The following NIBAN3 variants were observed in gnomAD, a reference collection of about 807,000 sequenced individuals.
The protein encoded by NIBAN3 is niban apoptosis regulator 3.
Under a neutral mutation model 76.4 loss-of-function variants are expected in NIBAN3, and 66 were observed. The observed-to-expected ratio is 0.86, with a 90% CI of 0.71 to 1.06. NIBAN3 has a LOEUF of 1.06. NIBAN3 is among the 50% of genes least tolerant of loss of function. The pLI is 0.00. For missense variants in NIBAN3, 808 were observed against 810.7 expected (o/e 1.00, Z 0.04); for synonymous variants, 360 against 355.2 (o/e 1.01, Z -0.15).
At position 17,553,544 on chromosome 19, in the gene NIBAN3, G is replaced by T; in HGVS notation, c.*1646G>T. The T allele has an allele frequency of 6.2e-7, 1 of 1,613,970 alleles. No homozygotes were observed. Among genetic ancestry groups the T allele is most frequent in the Non-Finnish European group, 8.5e-7 (1 of 1,179,972 alleles). On this transcript the variant is annotated 3_prime_UTR_variant, in exon 15 of 15. Coordinates refer to ENST00000599164, the MANE Select transcript of NIBAN3 (RefSeq NM_001321827.2). ...TCCTCCCATTCTGTCTGGAGTTTTC[G>T]GCCTACCCCAAGACAATGAGATATT...
At chr19:17,523,808 A>G (rs569582874), upstream of NIBAN3, among the ~76,000 whole-genome samples, 19 of 152,192 alleles carry the variant, frequency 1.2e-4, no homozygotes, top group Admixed American at 1.2e-3. Flanking sequence ...CGCTGAGCAC[A>G]TTCCCACCCC....
chr19:17,537,202 C>T (rs1299524395), intron 4 of NIBAN3, among the ~76,000 whole-genome samples, 174 bp from the exon 5 acceptor site: 1 of 152,112 alleles, frequency 6.6e-6, no homozygotes, highest in Non-Finnish European at 1.5e-5. Flanking sequence ...GACCCTGCCT[C>T]CCCCAAAACT....
At position 17,530,768 on chromosome 19, in the gene NIBAN3, C is replaced by G. The variant is rs199639094; in HGVS notation, c.69C>G (p.Thr23=). Residue 23 remains threonine, a synonymous_variant, in exon 2 of 15, where the codon ACC becomes ACG. Transcript: ENST00000599164. The part of the protein sequence containing the change: ...QRQHLRGQVD[T]LLRNFLPCYR... ...TTGTCCCTGCAGGTCAGGTGGACACCCTGCTGAGGAACTTCCTGCCTTGCT... is the reference window on the plus strand; with the variant it reads ...TTGTCCCTGCAGGTCAGGTGGACACGCTGCTGAGGAACTTCCTGCCTTGCT... 2.4e-5 allele frequency: 38 copies of G among 1,611,014 alleles called. No individual in the cohort carries two copies. The East Asian group carries it at 6.5e-4, about 28-fold the overall frequency.
downstream of NIBAN3, chr19:17,553,752 T>C: frequency 3.3e-6 from 2 of 610,782 alleles, no homozygotes; most frequent in Non-Finnish European, 5.8e-6. Flanking sequence ...AAAACATTGT[T>C]TGCCCTTGGG....
chr19:17,539,622 C>T lies in NIBAN3; in HGVS notation c.836C>T (p.Ala279Val). ...AWTELLDAVHAAVLAGASAGL... is the reference protein window; with the variant it reads ...AWTELLDAVHVAVLAGASAGL... Reference sequence around the variant, plus strand: ...GGGCAGCTTCTAGACGCCGTTCACGCAGCTGTCCTGGCCGGGGCCTCCGCC... The same window carrying T: ...GGGCAGCTTCTAGACGCCGTTCACGTAGCTGTCCTGGCCGGGGCCTCCGCC... Residue 279 changes from alanine to valine, a missense_variant, in exon 8 of 15, where the codon GCA becomes GTA. By Grantham distance (64) the Ala-to-Val change is moderately conservative. Coordinates refer to ENST00000599164, the MANE Select transcript of NIBAN3 (RefSeq NM_001321827.2). The T allele has an allele frequency of 6.4e-7, 1 of 1,566,946 alleles. No homozygotes were observed. The highest frequency in any genetic ancestry group is 8.7e-7 in the Non-Finnish European group (1 of 1,153,976).
At chr19:17,533,555 T>G in intron 3 of NIBAN3, 32 bp from the exon 4 acceptor site, 1 of 1,472,504 alleles carries the variant, frequency 6.8e-7, no homozygotes, top group Non-Finnish European at 9.5e-7. Flanking sequence ...TTCAGACCTG[T>G]CCCAGGTTGG....
chr19:17,539,801 C>T, intron 8 of NIBAN3, 36 bp downstream of exon 8: 1 of 1,441,940 alleles, frequency 6.9e-7, no homozygotes. Flanking sequence ...CTGGGAGGGG[C>T]GAGGCGATGC....
intron 4 of NIBAN3, among the ~76,000 whole-genome samples, chr19:17,534,746 G>A (rs1418700359): frequency 1.3e-5 from 2 of 148,998 alleles, no homozygotes; most frequent in Admixed American, 6.8e-5. Flanking sequence ...AGCCGAGATC[G>A]CGCCACTGCA....
rs2075905399 is a variant in NIBAN3 at position 17,539,772 on chromosome 19, C to A, written c.979+7C>A. 1 of 1,515,658 alleles carries A rather than the reference C, an allele frequency of 6.6e-7. No individual in the cohort carries two copies. 93.9% of individuals were successfully genotyped at this position (1,515,658 alleles called of 1,614,324 possible). A position where few individuals can be genotyped will look rare whatever the true frequency, so the allele number is the denominator to read the frequency against. ...GTGGCGGGGCGGCTGAGGAGTGAGGCCCTGGGGCGGAGCCTGGGCTGGGAG... is the reference window on the plus strand; with the variant it reads ...GTGGCGGGGCGGCTGAGGAGTGAGGACCTGGGGCGGAGCCTGGGCTGGGAG... On this transcript the variant is annotated splice_region_variant and intron_variant, in intron 8 of 14. Transcript: ENST00000599164.
At chr19:17,546,635 T>C in intron 12 of NIBAN3, 51 bp from the exon 13 acceptor site, 1 of 1,472,618 alleles carries the variant, frequency 6.8e-7, no homozygotes, top group Middle Eastern at 1.9e-4. Flanking sequence ...GTTGTAGGCC[T>C]CTAGAGGGGC....
At position 17,534,790 on chromosome 19, in the gene NIBAN3, CA is replaced by C. The variant is rs751685692; in HGVS notation, c.427+1106del. 7.0e-3 allele frequency among the ~76,000 whole-genome samples: 528 copies of C among 75,726 alleles called. 4 individuals are homozygous for C. Among genetic ancestry groups the C allele is most frequent in the African/African-American group, 0.018 (484 of 27,104 alleles). 49.7% of individuals were successfully genotyped at this position (75,726 alleles called of 152,430 possible). A position where few individuals can be genotyped will look rare whatever the true frequency, so the allele number is the denominator to read the frequency against. On this transcript the variant is annotated intron_variant, in intron 4 of 14. Transcript: ENST00000599164. ...AGGGTGACAGAGCAAGACTCCATCT[CA>C]AAAAAAAAAAAAAAAAGAAAAGAAA...
chr19:17,543,363 G>T lies in NIBAN3; in HGVS notation c.1376G>T (p.Cys459Phe), dbSNP rs749046878. 19 of 1,595,158 alleles carry T rather than the reference G, an allele frequency of 1.2e-5. No homozygotes were observed. The East Asian group carries it at 4.3e-4, about 36-fold the overall frequency. ...VATFLQLADQ[C>F]LTTALNCDQA... ...ACCTTCCTGCAGCTGGCTGACCAGTGTCTGACGACGGCCCTCAACTGTGAC... is the reference window on the plus strand; with the variant it reads ...ACCTTCCTGCAGCTGGCTGACCAGTTTCTGACGACGGCCCTCAACTGTGAC... The change falls in exon 11 of 15, where the codon TGT (cysteine) becomes TTT (phenylalanine). Residue 459 changes from cysteine (C) to phenylalanine (F), a missense_variant. Coordinates refer to ENST00000599164, the MANE Select transcript of NIBAN3 (RefSeq NM_001321827.2).
intron 14 of NIBAN3, 106 bp downstream of exon 14, chr19:17,549,633 C>A: frequency 1.1e-6 from 1 of 930,458 alleles, no homozygotes. Context: ...GGTTCATGGA[C>A]GGAACAGAAT....
chr19:17,553,547 C>A lies in NIBAN3; in HGVS notation c.*1649C>A. 2 of 1,614,100 alleles carry A rather than the reference C, an allele frequency of 1.2e-6. No individual in the cohort carries two copies. The highest frequency in any genetic ancestry group is 8.5e-7 in the Non-Finnish European group (1 of 1,179,966). ...TCCCATTCTGTCTGGAGTTTTCGGC[C>A]TACCCCAAGACAATGAGATATTCCT... On this transcript the variant is annotated 3_prime_UTR_variant, in exon 15 of 15. Coordinates refer to ENST00000599164, the MANE Select transcript of NIBAN3 (RefSeq NM_001321827.2).
Position 17,530,766 on chromosome 19 carries a change from A to C in NIBAN3, c.67A>C (p.Thr23Pro). The part of the protein sequence containing the change: ...QRQHLRGQVD[T>P]LLRNFLPCYR... ...CCTTGTCCCTGCAGGTCAGGTGGAC[A>C]CCCTGCTGAGGAACTTCCTGCCTTG... Residue 23 changes from threonine (T) to proline (P), a missense_variant, in exon 2 of 15, where the codon ACC (threonine) becomes CCC (proline). Coordinates refer to ENST00000599164, the MANE Select transcript of NIBAN3 (RefSeq NM_001321827.2). The C allele has an allele frequency of 6.2e-7, 1 of 1,610,984 alleles. No individual in the cohort carries two copies. Among genetic ancestry groups the C allele is most frequent in the Non-Finnish European group, 8.5e-7 (1 of 1,177,960 alleles).
chr19:17,530,357 A>G (rs1323431026), intron 1 of NIBAN3, among the ~76,000 whole-genome samples: 2 of 150,526 alleles, frequency 1.3e-5, no homozygotes, highest in Non-Finnish European at 3.0e-5. Context: ...AAAACAAAAA[A>G]CCCGTCTCTA....
At chr19:17,535,040 C>T (rs2075801197) in intron 4 of NIBAN3, among the ~76,000 whole-genome samples, 1 of 152,192 alleles carries the variant, frequency 6.6e-6, no homozygotes, top group Admixed American at 6.5e-5. Context: ...TCAAAGGACA[C>T]AAAAATGTAG....
In NIBAN3 at chr19:17,553,112, C is replaced by G; in HGVS notation, c.*1214C>G. On this transcript the variant is annotated 3_prime_UTR_variant, in exon 15 of 15. Transcript: ENST00000599164. Reference sequence around the variant, plus strand: ...TCCAAATATGTTGATTAGCCATTTACATGTTTGTAGTTTTTTTTTTTTTAA... The same window carrying G: ...TCCAAATATGTTGATTAGCCATTTAGATGTTTGTAGTTTTTTTTTTTTTAA... 1 of 741,156 alleles carries G rather than the reference C, an allele frequency of 1.3e-6. No individual in the cohort carries two copies. The allele number at this position is 741,156 out of a possible 1,614,324, so 45.9% of individuals were successfully genotyped here. A position where few individuals can be genotyped will look rare whatever the true frequency, so the allele number is the denominator to read the frequency against.
intron 9 of NIBAN3, among the ~76,000 whole-genome samples, chr19:17,541,277 T>C (rs1413362375): frequency 6.7e-6 from 1 of 150,292 alleles, no homozygotes; most frequent in Admixed American, 6.6e-5. Context: ...ATACATAGAA[T>C]AGCACCTACT....
Sources: allele counts gnomAD v4.1 joint callset (sites outside exome capture counted in the v4.1 genomes callset), GRCh38; gene constraint gnomAD v4.1.1; transcripts MANE v1.5; gene names NCBI Gene and HGNC (gene_info 2026-07-23, HGNC 2026-07-21).